The following ITGB3BP variants were observed in gnomAD, a reference collection of about 807,000 sequenced individuals.
ITGB3BP encodes the protein integrin subunit beta 3 binding protein.
In ITGB3BP, 27 loss-of-function variants were observed where a neutral mutation model predicts 29.1. That is an observed-to-expected ratio of 0.93 (90% CI 0.68 to 1.28). The LOEUF (loss-of-function observed/expected upper bound fraction) is 1.28. Among genes scored for constraint, ITGB3BP ranks in the 50% most tolerant of loss-of-function variants. The probability of loss-of-function intolerance (pLI) is 0.00; values close to 1 mark genes in which losing one functional copy is unlikely to be tolerated. For synonymous variants in ITGB3BP, 61 were observed against 61.4 expected, an observed-to-expected ratio of 0.99 and a Z score of 0.03; for missense variants, 192 against 200.2, an observed-to-expected ratio of 0.96 and a Z score of 0.25.
intron 4 of ITGB3BP, among the ~76,000 whole-genome samples, chr1:63,455,401 T>C (rs1486906803): frequency 1.3e-5 from 2 of 152,056 alleles, no homozygotes; most frequent in East Asian, 3.8e-4. Flanking sequence ...GAAAAATGCT[T>C]CTAGTTTAAA....
chr1:63,466,498 A>G (rs990440614), intron 4 of ITGB3BP, among the ~76,000 whole-genome samples: 9 of 152,234 alleles, frequency 5.9e-5, no homozygotes, highest in Non-Finnish European at 1.0e-4. Context: ...CACCAACCCC[A>G]ATAAAGCTGT....
chr1:63,464,615 A>C (rs1409269245), intron 4 of ITGB3BP, among the ~76,000 whole-genome samples: 1 of 152,224 alleles, frequency 6.6e-6, no homozygotes, highest in African/African-American at 2.4e-5. Flanking sequence ...AAGAATCATC[A>C]ATGTATGTTA....
At chr1:63,443,787 C>A (rs1644756792) in intron 8 of ITGB3BP, among the ~76,000 whole-genome samples, 1 of 151,648 alleles carries the variant, frequency 6.6e-6, no homozygotes. Flanking sequence ...GATGTGGGGA[C>A]AAAGAGAGAG....
At chr1:63,456,182 G>C (rs1329497851) in intron 4 of ITGB3BP, among the ~76,000 whole-genome samples, 1 of 152,030 alleles carries the variant, frequency 6.6e-6, no homozygotes, top group Non-Finnish European at 1.5e-5. Flanking sequence ...TTAAAAATAA[G>C]ACAAATATGT....
At chr1:63,523,540 T>A (rs1646514038), upstream of ITGB3BP, 1 of 262,204 alleles carries the variant, frequency 3.8e-6, no homozygotes, top group Admixed American at 5.0e-5. Context: ...CCATGGTGAT[T>A]AGAGAAAGGC....
chr1:63,477,810 A>T (rs1645367644), intron 4 of ITGB3BP, among the ~76,000 whole-genome samples: 1 of 152,184 alleles, frequency 6.6e-6, no homozygotes, highest in Admixed American at 6.5e-5. Flanking sequence ...GGTACATAGA[A>T]GATACACTGA....
At chr1:63,502,513 CT>C (rs66468422) in intron 2 of ITGB3BP, among the ~76,000 whole-genome samples, 2,136 of 141,950 alleles carry the variant, frequency 0.015, 47 homozygotes, top group African/African-American at 0.052. Context: ...AAAGGCACTT[CT>C]TTTTTTTTTT....
intron 1 of ITGB3BP, among the ~76,000 whole-genome samples, chr1:63,514,420 G>C (rs1489199677): frequency 6.6e-6 from 1 of 152,052 alleles, no homozygotes. Flanking sequence ...AGATCATTGG[G>C]TAGGTGTATA....
At chr1:63,504,783 C>T (rs1053130727) in intron 2 of ITGB3BP, among the ~76,000 whole-genome samples, 11 of 152,074 alleles carry the variant, frequency 7.2e-5, no homozygotes, top group African/African-American at 2.2e-4. Flanking sequence ...TGGTTTTTGT[C>T]GTTGGTTCTG....
chr1:63,477,053 T>C lies in ITGB3BP; in HGVS notation c.254+1711A>G, dbSNP rs1271032602. Among the ~76,000 whole-genome samples, 3 of 152,266 alleles carry C rather than the reference T, an allele frequency of 2.0e-5. No homozygotes were observed. In the East Asian group the frequency reaches 5.8e-4, roughly 29 times the overall value. On this transcript the variant is annotated intron_variant, in intron 4 of 8. Coordinates refer to ENST00000271002, the MANE Select transcript of ITGB3BP (RefSeq NM_014288.5). ...AAAATATTTGTGGGGCAGAAAAGAC[T>C]GAAACACGCAAATATTTGGAGCTGG... is the stretch of plus-strand genomic sequence containing the variant.
intron 7 of ITGB3BP, among the ~76,000 whole-genome samples, chr1:63,448,005 A>G (rs1007553751): frequency 6.6e-6 from 1 of 152,168 alleles, no homozygotes; most frequent in East Asian, 1.9e-4. Flanking sequence ...AGCCATAAAA[A>G]ATGGTGAGTT....
intron 2 of ITGB3BP, among the ~76,000 whole-genome samples, chr1:63,502,773 T>C (rs1645969069): frequency 6.6e-6 from 1 of 151,228 alleles, no homozygotes; most frequent in Non-Finnish European, 1.5e-5. Context: ...TGTTTGGTTT[T>C]TTGTCCTTGC....
intron 3 of ITGB3BP, among the ~76,000 whole-genome samples, chr1:63,487,014 T>C (rs1485145783): frequency 6.6e-6 from 1 of 152,106 alleles, no homozygotes; most frequent in African/African-American, 2.4e-5. Flanking sequence ...TTTATATTCA[T>C]TTACATTTCT....
At chr1:63,520,312 C>G (rs1646419407) in intron 1 of ITGB3BP, among the ~76,000 whole-genome samples, 1 of 152,140 alleles carries the variant, frequency 6.6e-6, no homozygotes, top group South Asian at 2.1e-4. Flanking sequence ...ACTCAAGATT[C>G]AAATCCTGGT....
At chr1:63,493,440 AC>A (rs1168762893) in intron 2 of ITGB3BP, among the ~76,000 whole-genome samples, 1 of 151,772 alleles carries the variant, frequency 6.6e-6, no homozygotes, top group Non-Finnish European at 1.5e-5. Flanking sequence ...AAACAAACAA[AC>A]AAACAAACAA....
chr1:63,475,951 T>C (rs892604899), intron 4 of ITGB3BP, among the ~76,000 whole-genome samples: 12 of 149,762 alleles, frequency 8.0e-5, no homozygotes, highest in South Asian at 2.1e-4. Context: ...TGAGATGAGA[T>C]TGTGTCATTG....
At chr1:63,503,085 G>A (rs1437676349) in intron 2 of ITGB3BP, among the ~76,000 whole-genome samples, 6 of 152,050 alleles carry the variant, frequency 3.9e-5, no homozygotes, top group Non-Finnish European at 5.9e-5. Flanking sequence ...CTGAGGAATC[G>A]CCACACTGAC....
chr1:63,525,422 A>G (rs1557666440), upstream of ITGB3BP: 1 of 552,390 alleles, frequency 1.8e-6, no homozygotes, highest in Non-Finnish European at 3.0e-6. Flanking sequence ...CACATATAAA[A>G]CTTTTAATAT....
chr1:63,513,170 A>T (rs1454851582), intron 1 of ITGB3BP, among the ~76,000 whole-genome samples: 2 of 152,220 alleles, frequency 1.3e-5, no homozygotes, highest in African/African-American at 4.8e-5. Flanking sequence ...GTAAATAAGA[A>T]ATCTTATAAA....
Sources: allele counts gnomAD v4.1 joint callset (sites outside exome capture counted in the v4.1 genomes callset), GRCh38; gene constraint gnomAD v4.1.1; transcripts MANE v1.5; gene names NCBI Gene and HGNC (gene_info 2026-07-23, HGNC 2026-07-21).